CSMD1: variants seen among roughly 807,000 people sequenced by gnomAD.
The protein encoded by CSMD1 is CUB and Sushi multiple domains 1.
CSMD1 carries 213 observed loss-of-function variants against 417.5 expected under a neutral mutation model. The observed-to-expected ratio is 0.51, with a 90% CI of 0.46 to 0.57. The LOEUF (loss-of-function observed/expected upper bound fraction) is 0.57, where lower values mean the gene tolerates loss of function less well. Among genes scored for constraint, CSMD1 ranks in the 20% least tolerant of loss-of-function variants. The pLI, the probability that CSMD1 is intolerant of heterozygous loss-of-function variation, is 0.00. For synonymous variants in CSMD1, 2,862 were observed against 1,736.8 expected (o/e 1.65, Z -16.11); for missense variants, 6,923 against 4,529.7 (o/e 1.53, Z -15.17).
At chr8:3,727,911 G>C (rs956654973) in intron 6 of CSMD1, among the ~76,000 whole-genome samples, 9 of 152,148 alleles carry the variant, frequency 5.9e-5, no homozygotes, top group African/African-American at 1.9e-4. Context: ...ACTTAGAGTA[G>C]TCAAATTCAA....
intron 18 of CSMD1, among the ~76,000 whole-genome samples, chr8:3,371,710 C>G (rs1809961361): frequency 6.6e-6 from 1 of 152,148 alleles, no homozygotes; most frequent in South Asian, 2.1e-4. Flanking sequence ...ACTAACCATC[C>G]ATCTTAAGGG....
In CSMD1 at chr8:3,409,501, C is replaced by T. The variant is rs758881329; in HGVS notation, c.1666G>A (p.Ala556Thr). ...ACTCTCTCCCCCACCAGCTCAAAGG[C>T]CGCCGGGCATTCAAAGGTGAGTGTA... Reference protein sequence around the residue: ...GDTLTFECPAAFELVGERVIT... With the variant: ...GDTLTFECPATFELVGERVIT... The change falls in exon 13 of 70, where the codon GCC becomes ACC. Residue 556 changes from alanine to threonine, a missense_variant. Ala to Thr is a moderately conservative substitution (Grantham distance 58). Coordinates refer to ENST00000635120, the MANE Select transcript of CSMD1 (RefSeq NM_033225.6). 1.2e-5 allele frequency: 19 copies of T among 1,611,226 alleles called. No individual in the cohort carries two copies. The Admixed American group carries it at 2.5e-4, about 21-fold the overall frequency.
At chr8:4,139,462 T>C (rs988640720) in intron 3 of CSMD1, among the ~76,000 whole-genome samples, 6 of 144,358 alleles carry the variant, frequency 4.2e-5, no homozygotes, top group Non-Finnish European at 7.4e-5. Context: ...CCTGGAGGCG[T>C]GGACAGTCCA....
intron 5 of CSMD1, among the ~76,000 whole-genome samples, chr8:3,819,305 G>A (rs1394574962): frequency 1.3e-5 from 2 of 152,110 alleles, no homozygotes; most frequent in African/African-American, 4.8e-5. Flanking sequence ...GTCACAGGAA[G>A]CTATGAAGAG....
intron 37 of CSMD1, among the ~76,000 whole-genome samples, chr8:3,169,549 T>C (rs1429167274): frequency 1.3e-5 from 2 of 152,106 alleles, no homozygotes; most frequent in East Asian, 3.9e-4. Flanking sequence ...GTTTAATGAG[T>C]GCAGAGTTTT....
chr8:3,929,038 C>T (rs188182867), intron 5 of CSMD1, among the ~76,000 whole-genome samples: 3 of 150,576 alleles, frequency 2.0e-5, no homozygotes, highest in African/African-American at 7.3e-5. Context: ...TCAGGGCCAT[C>T]AGCATTGCCA....
intron 5 of CSMD1, among the ~76,000 whole-genome samples, chr8:3,836,235 A>G (rs1211038208): frequency 6.6e-6 from 1 of 151,970 alleles, no homozygotes. Flanking sequence ...AATATCTTTA[A>G]TATTTGGTTA....
chr8:4,304,908 T>C (rs1329186397), intron 3 of CSMD1, among the ~76,000 whole-genome samples: 1 of 152,102 alleles, frequency 6.6e-6, no homozygotes, highest in Non-Finnish European at 1.5e-5. Context: ...TATATTAAGG[T>C]GTAACGATGA....
intron 3 of CSMD1, among the ~76,000 whole-genome samples, chr8:4,239,825 G>A (rs543114827): frequency 4.6e-5 from 7 of 152,166 alleles, no homozygotes; most frequent in Non-Finnish European, 1.0e-4. Context: ...CACAATTTCT[G>A]CCTGAATGTG....
chr8:3,026,188 G>T (rs1043884262), intron 51 of CSMD1, among the ~76,000 whole-genome samples: 1 of 152,186 alleles, frequency 6.6e-6, no homozygotes, highest in Non-Finnish European at 1.5e-5. Flanking sequence ...CTCAGGAGAG[G>T]GCCTGGTGGG....
chr8:3,082,359 T>G (rs1487658940), intron 49 of CSMD1, among the ~76,000 whole-genome samples: 2 of 152,206 alleles, frequency 1.3e-5, no homozygotes, highest in African/African-American at 4.8e-5. Context: ...AGATTTCCTA[T>G]GGGCTGCTCC....
intron 2 of CSMD1, among the ~76,000 whole-genome samples, chr8:4,613,620 G>C (rs1295781333): frequency 6.6e-6 from 1 of 152,118 alleles, no homozygotes; most frequent in African/African-American, 2.4e-5. Flanking sequence ...TTTGCTAAGT[G>C]ACTTGAGCGA....
intron 47 of CSMD1, among the ~76,000 whole-genome samples, chr8:3,093,758 A>G (rs1410310456): frequency 6.6e-6 from 1 of 152,212 alleles, no homozygotes; most frequent in African/African-American, 2.4e-5. Context: ...ACAAACGAAC[A>G]AAAAACCACA....
At chr8:3,787,235 AC>A (rs1799499595) in intron 5 of CSMD1, among the ~76,000 whole-genome samples, 5 of 152,300 alleles carry the variant, frequency 3.3e-5, no homozygotes, top group African/African-American at 1.2e-4. Flanking sequence ...AAAAACAACA[AC>A]AAAAAAAGAA....
chr8:3,818,258 G>A (rs916491345), intron 5 of CSMD1, among the ~76,000 whole-genome samples: 3 of 152,054 alleles, frequency 2.0e-5, no homozygotes, highest in Non-Finnish European at 2.9e-5. Flanking sequence ...TGCAGCACAG[G>A]TGCTTCACCC....
At chr8:4,838,129 T>C (rs944295442) in intron 1 of CSMD1, among the ~76,000 whole-genome samples, 4 of 152,140 alleles carry the variant, frequency 2.6e-5, no homozygotes, top group Non-Finnish European at 5.9e-5. Context: ...AAACTTTTTT[T>C]TAAAGCAAGG....
intron 15 of CSMD1, among the ~76,000 whole-genome samples, chr8:3,401,931 G>A (rs1244258533): frequency 6.6e-6 from 1 of 150,504 alleles, no homozygotes; most frequent in Non-Finnish European, 1.5e-5. Context: ...AGCCAATGAG[G>A]TGTTTAGAAA....
chr8:3,632,788 G>A (rs1312556913), intron 7 of CSMD1, among the ~76,000 whole-genome samples: 1 of 152,136 alleles, frequency 6.6e-6, no homozygotes, highest in East Asian at 1.9e-4. Flanking sequence ...GTCTCCATTT[G>A]CTTTCCTGTT....
At chr8:3,273,128 G>A (rs1400793206) in intron 26 of CSMD1, among the ~76,000 whole-genome samples, 1 of 151,778 alleles carries the variant, frequency 6.6e-6, no homozygotes. Context: ...TTTATTGAGA[G>A]TTTTTAGTAT....
Sources: gnomAD v4.1 joint callset for allele counts (sites outside exome capture counted in the v4.1 genomes callset) on GRCh38, gnomAD v4.1.1 for gene constraint, MANE v1.5 for transcripts, NCBI Gene and HGNC (gene_info 2026-07-23, HGNC 2026-07-21) for gene names.